EML5: variants seen among roughly 807,000 people sequenced by gnomAD.
EML5 encodes the protein echinoderm microtubule-associated protein-like 5.
EML5 carries 120 observed loss-of-function variants against 250.0 expected under a neutral mutation model. The ratio of observed to expected loss-of-function variants is 0.48; its 90% CI spans 0.41 to 0.56. EML5 has a LOEUF of 0.56. EML5 is among the 20% of genes least tolerant of loss of function. The probability of loss-of-function intolerance (pLI) is 0.00; values close to 1 mark genes in which losing one functional copy is unlikely to be tolerated. For synonymous variants in EML5, 771 were observed against 806.5 expected (o/e 0.96, Z 0.75); for missense variants, 2,006 against 2,437.6 (o/e 0.82, Z 3.73).
chr14:88,680,582 T>G (rs936239050), intron 21 of EML5, among the ~76,000 whole-genome samples: 1 of 152,134 alleles, frequency 6.6e-6, no homozygotes, highest in Non-Finnish European at 1.5e-5. Context: ...CTGGAATTCA[T>G]GAAGGGACAT....
intron 14 of EML5, among the ~76,000 whole-genome samples, chr14:88,702,180 A>G (rs2093225867): frequency 6.6e-6 from 1 of 152,148 alleles, no homozygotes; most frequent in Non-Finnish European, 1.5e-5. Context: ...ACTAATTTAA[A>G]AAATTAATAT....
intron 2 of EML5, among the ~76,000 whole-genome samples, chr14:88,753,362 G>T (rs1341725706): frequency 6.6e-6 from 1 of 152,184 alleles, no homozygotes; most frequent in African/African-American, 2.4e-5. Flanking sequence ...GCTACTCAAA[G>T]AAGCTATTCC....
chr14:88,787,516 T>C (rs2094563354), intron 1 of EML5, among the ~76,000 whole-genome samples: 1 of 152,202 alleles, frequency 6.6e-6, no homozygotes, highest in Non-Finnish European at 1.5e-5. Flanking sequence ...AATAATTAAA[T>C]GTAAATCTAA....
chr14:88,743,969 A>G (rs2093965907), intron 4 of EML5, 54 bp downstream of exon 4: 1 of 1,249,318 alleles, frequency 8.0e-7, no homozygotes, highest in Admixed American at 2.4e-5. Context: ...TGCAATATAT[A>G]CTTAGCAGCA....
At chr14:88,665,560 C>G in intron 21 of EML5, 71 bp from the exon 22 acceptor site, 2 of 1,590,634 alleles carry the variant, frequency 1.3e-6, no homozygotes, top group Non-Finnish European at 1.7e-6. Context: ...GGTGTGGTGG[C>G]TCATGCCTAT....
chr14:88,702,360 G>T, intron 14 of EML5, 86 bp downstream of exon 14: 1 of 1,019,350 alleles, frequency 9.8e-7, no homozygotes, highest in South Asian at 2.7e-5. Context: ...TCATATCCTA[G>T]AACATAAAAG....
At position 88,626,974 on chromosome 14, in the gene EML5, G is replaced by T. The variant is rs1267719915; in HGVS notation, c.4604C>A (p.Thr1535Asn). 1 of 1,613,794 alleles carries T rather than the reference G, an allele frequency of 6.2e-7. No homozygotes were observed. Among genetic ancestry groups the T allele is most frequent in the Non-Finnish European group, 8.5e-7 (1 of 1,179,872 alleles). ...FVAEFRPDSD[T>N]QFVSVGVKHV... Reference sequence around the variant, plus strand: ...TTTTACTCCCACTGAGACAAACTGGGTATCTGAATCTGGTCGGAATTCTGC... The same window carrying T: ...TTTTACTCCCACTGAGACAAACTGGTTATCTGAATCTGGTCGGAATTCTGC... Residue 1535 changes from threonine to asparagine, a missense_variant, in exon 35 of 44, where the codon ACC becomes AAC. Physicochemically the swap from Thr to Asn is moderately conservative, Grantham distance 65 (BLOSUM62 0). Transcript: ENST00000554922.
Position 88,675,939 on chromosome 14 carries a change from G to C in EML5, c.3124+5951C>G, listed in dbSNP as rs977890614. 1.2e-4 allele frequency among the ~76,000 whole-genome samples: 19 copies of C among 152,056 alleles called. 1 individual carries two copies. The highest frequency in any genetic ancestry group is 9.8e-4 in the Admixed American group (15 of 15,240). On this transcript the variant is annotated intron_variant, in intron 21 of 43. Coordinates refer to ENST00000554922, the MANE Select transcript of EML5 (RefSeq NM_183387.3). ...CTAAAACATAAGAAGAGTCACCTTT[G>C]CTCCAGTTCCCAACAAGTTCCTCAT... is the stretch of plus-strand genomic sequence containing the variant.
At chr14:88,762,672 T>C (rs7154157) in intron 1 of EML5, among the ~76,000 whole-genome samples, 36,900 of 151,970 alleles carry the variant, frequency 0.24, 4,644 homozygotes, top group East Asian at 0.38. Context: ...TAACAGACAT[T>C]GACAGAACTC....
intron 30 of EML5, among the ~76,000 whole-genome samples, chr14:88,643,578 A>G (rs1196158474): frequency 1.3e-5 from 2 of 152,112 alleles, no homozygotes; most frequent in African/African-American, 2.4e-5. Flanking sequence ...CCCCAGGGGG[A>G]ATCTATCCCC....
rs147501816 is a variant in EML5, at chr14:88,785,794, T to C, written c.197+6513A>G. Among the ~76,000 whole-genome samples the C allele has an allele frequency of 3.9e-4, 59 of 152,318 alleles. 4 individuals carry two copies. The East Asian group carries it at 0.011, about 29-fold the overall frequency. On this transcript the variant is annotated intron_variant, in intron 1 of 43. Coordinates refer to ENST00000554922, the MANE Select transcript of EML5 (RefSeq NM_183387.3). Reference sequence around the variant, plus strand: ...TGGATTACTGCAACAGTCTCCTAAGTGGTCTCCCTGCTTCCATCCTGCCCC... The same window carrying C: ...TGGATTACTGCAACAGTCTCCTAAGCGGTCTCCCTGCTTCCATCCTGCCCC...
At chr14:88,723,050 C>T (rs2093614864) in intron 8 of EML5, among the ~76,000 whole-genome samples, 1 of 152,132 alleles carries the variant, frequency 6.6e-6, no homozygotes, top group Non-Finnish European at 1.5e-5. Context: ...CACCCCTTCC[C>T]TCAAGCCAAC....
intron 41 of EML5, 23 bp from the exon 42 acceptor site, chr14:88,616,902 A>G: frequency 2.5e-6 from 4 of 1,610,026 alleles, no homozygotes; most frequent in Non-Finnish European, 3.4e-6. Context: ...AACAAAAGAA[A>G]ACTCATCATG....
chr14:88,757,938 C>T (rs2094185151), intron 1 of EML5, among the ~76,000 whole-genome samples: 1 of 151,898 alleles, frequency 6.6e-6, no homozygotes, highest in Non-Finnish European at 1.5e-5. Flanking sequence ...GCAGCCTCGA[C>T]CTCCCATACT....
At chr14:88,624,913 C>A in intron 36 of EML5, 57 bp downstream of exon 36, 1 of 1,581,948 alleles carries the variant, frequency 6.3e-7, no homozygotes, top group South Asian at 1.2e-5. Flanking sequence ...TAATTAACTG[C>A]AAACCTCAGG....
At chr14:88,661,141 T>G (rs2092085603) in intron 25 of EML5, among the ~76,000 whole-genome samples, 2 of 152,188 alleles carry the variant, frequency 1.3e-5, no homozygotes, top group South Asian at 4.1e-4. Flanking sequence ...CAGACTGGTG[T>G]GCAATGACAT....
At chr14:88,757,924 C>A (rs188423830) in intron 1 of EML5, among the ~76,000 whole-genome samples, 41 of 152,018 alleles carry the variant, frequency 2.7e-4, no homozygotes, top group Admixed American at 9.8e-4. Flanking sequence ...AATCACCACT[C>A]ACTGCAGCCT....
At chr14:88,658,842 G>A (rs967635408) in intron 25 of EML5, among the ~76,000 whole-genome samples, 6 of 152,218 alleles carry the variant, frequency 3.9e-5, no homozygotes, top group African/African-American at 1.4e-4. Context: ...ATATATTAAA[G>A]ACAATGGTTA....
At chr14:88,663,739 T>G (rs1044508003) in intron 23 of EML5, among the ~76,000 whole-genome samples, 2 of 151,786 alleles carry the variant, frequency 1.3e-5, no homozygotes, top group Non-Finnish European at 2.9e-5. Context: ...CTCACTGTGT[T>G]GCCCAGGCTG....
Sources: allele counts gnomAD v4.1 joint callset (sites outside exome capture counted in the v4.1 genomes callset), GRCh38; gene constraint gnomAD v4.1.1; transcripts MANE v1.5; gene names NCBI Gene and HGNC (gene_info 2026-07-23, HGNC 2026-07-21).